SEMA5A: variants seen among roughly 807,000 people sequenced by gnomAD.
SEMA5A encodes the protein semaphorin-5A.
In SEMA5A, 55 loss-of-function variants were observed where a neutral mutation model predicts 135.5. The observed-to-expected ratio is 0.41, with a 90% CI of 0.33 to 0.51. The LOEUF (loss-of-function observed/expected upper bound fraction) is 0.51, where lower values mean the gene tolerates loss of function less well. Ranked by LOEUF, SEMA5A falls within the 20% of genes least tolerant of loss-of-function variation. SEMA5A has a pLI of 0.37. For missense variants in SEMA5A, 1,290 were observed against 1,419.9 expected (o/e 0.91, Z 1.47); for synonymous variants, 580 against 546.5 (o/e 1.06, Z -0.85).
chr5:9,385,270 T>A (rs1317780357), intron 2 of SEMA5A, among the ~76,000 whole-genome samples: 1 of 152,148 alleles, frequency 6.6e-6, no homozygotes, highest in Non-Finnish European at 1.5e-5. Flanking sequence ...TGAAACTGAA[T>A]AGGCTTTGGG....
chr5:9,061,223 A>G (rs182332919), intron 18 of SEMA5A, among the ~76,000 whole-genome samples: 50 of 152,222 alleles, frequency 3.3e-4, no homozygotes, highest in African/African-American at 1.2e-3. Flanking sequence ...GGATCATAAC[A>G]CTGCATCTGT....
At chr5:9,504,549 A>G (rs1735771661) in intron 1 of SEMA5A, among the ~76,000 whole-genome samples, 1 of 152,216 alleles carries the variant, frequency 6.6e-6, no homozygotes, top group Non-Finnish European at 1.5e-5. Flanking sequence ...GCAGGTAAGC[A>G]CAAGTGCTGT....
At chr5:9,279,596 T>C (rs1004254165) in intron 5 of SEMA5A, among the ~76,000 whole-genome samples, 7 of 152,110 alleles carry the variant, frequency 4.6e-5, no homozygotes, top group African/African-American at 1.7e-4. Flanking sequence ...TCATGTTGAA[T>C]TATAATCCCT....
chr5:9,328,143 GCTTCCCACCAGCCAA>G (rs1317053715), intron 4 of SEMA5A, among the ~76,000 whole-genome samples: 22 of 152,082 alleles, frequency 1.4e-4, no homozygotes, highest in Non-Finnish European at 1.5e-5. Flanking sequence ...ATGGTTTGAT[GCTTCCCACCAGCCAA>G]CCCACTCTGT....
intron 2 of SEMA5A, among the ~76,000 whole-genome samples, chr5:9,399,375 C>T (rs1384670776): frequency 1.3e-5 from 2 of 152,122 alleles, no homozygotes; most frequent in Admixed American, 6.5e-5. Context: ...ATAGGCCACA[C>T]ATTTTACGAT....
At chr5:9,163,373 T>C (rs181278842) in intron 11 of SEMA5A, among the ~76,000 whole-genome samples, 1 of 152,348 alleles carries the variant, frequency 6.6e-6, no homozygotes. Flanking sequence ...GACTCTCATG[T>C]GCATAATTCA....
At chr5:9,201,037 C>A (rs915569117) in intron 9 of SEMA5A, among the ~76,000 whole-genome samples, 1 of 152,126 alleles carries the variant, frequency 6.6e-6, no homozygotes, top group Non-Finnish European at 1.5e-5. Flanking sequence ...GATTTTGATC[C>A]TTTACTTTGC....
At chr5:9,477,138 C>T (rs1759699707) in intron 1 of SEMA5A, among the ~76,000 whole-genome samples, 1 of 152,054 alleles carries the variant, frequency 6.6e-6, no homozygotes, top group Non-Finnish European at 1.5e-5. Flanking sequence ...TCTCTCACCA[C>T]CATGTAAGAC....
chr5:9,102,773 C>T (rs1739700261), intron 16 of SEMA5A, among the ~76,000 whole-genome samples: 1 of 152,110 alleles, frequency 6.6e-6, no homozygotes, highest in Non-Finnish European at 1.5e-5. Flanking sequence ...AAATCCTGAA[C>T]ATGGATTCAG....
chr5:9,075,495 G>A (rs1738000763), intron 16 of SEMA5A, among the ~76,000 whole-genome samples: 1 of 149,202 alleles, frequency 6.7e-6, no homozygotes, highest in South Asian at 2.1e-4. Flanking sequence ...TAAAAGAAAT[G>A]AACTCTTAAT....
At chr5:9,400,381 ATTC>A (rs938134613) in intron 2 of SEMA5A, among the ~76,000 whole-genome samples, 1 of 152,166 alleles carries the variant, frequency 6.6e-6, no homozygotes, top group African/African-American at 2.4e-5. Context: ...TTAAAAATAA[ATTC>A]TTTTTATCAT....
At chr5:9,055,314 T>TAG (rs1296092101) in intron 18 of SEMA5A, among the ~76,000 whole-genome samples, 18 of 152,220 alleles carry the variant, frequency 1.2e-4, no homozygotes, top group Non-Finnish European at 8.8e-5. Context: ...AACAAGGTAT[T>TAG]AGATCCTAAT....
intron 1 of SEMA5A, among the ~76,000 whole-genome samples, chr5:9,473,697 A>G (rs1169943785): frequency 6.6e-6 from 1 of 152,042 alleles, no homozygotes; most frequent in African/African-American, 2.4e-5. Context: ...GGCTTAGGGA[A>G]CGTGGTGTGC....
chr5:9,477,032 G>T (rs532446767), intron 1 of SEMA5A, among the ~76,000 whole-genome samples: 2 of 152,262 alleles, frequency 1.3e-5, no homozygotes, highest in South Asian at 2.1e-4. Flanking sequence ...CCTGGTAGGA[G>T]ATGATTGGAT....
intron 2 of SEMA5A, among the ~76,000 whole-genome samples, chr5:9,425,409 G>T (rs555185012): frequency 6.6e-6 from 1 of 152,176 alleles, no homozygotes; most frequent in Admixed American, 6.5e-5. Context: ...GGGGAGGAGG[G>T]AGAATGCAAG....
chr5:9,430,884 A>C (rs1358676286), intron 2 of SEMA5A, among the ~76,000 whole-genome samples: 1 of 152,026 alleles, frequency 6.6e-6, no homozygotes, highest in East Asian at 1.9e-4. Context: ...AATGTATTAT[A>C]ACTAAAGAGG....
chr5:9,140,296 G>A (rs867756354), intron 12 of SEMA5A, among the ~76,000 whole-genome samples: 8 of 152,112 alleles, frequency 5.3e-5, no homozygotes, highest in African/African-American at 1.7e-4. Flanking sequence ...CTCAAGACAC[G>A]CAATTGATTT....
At chr5:9,468,879 C>T (rs182741616) in intron 1 of SEMA5A, among the ~76,000 whole-genome samples, 1 of 152,152 alleles carries the variant, frequency 6.6e-6, no homozygotes, top group African/African-American at 2.4e-5. Flanking sequence ...TCATACCTAC[C>T]GTCACATTGT....
At position 9,035,595 on chromosome 5, in the gene SEMA5A, T is replaced by C. The variant is rs1489844992; in HGVS notation, c.*7302A>G. ...TCTGGGATACAGACCTAGACAGCTC[T>C]CAGGAAGCATTTACAACCAGTGAAT... On this transcript the variant is annotated 3_prime_UTR_variant, in exon 23 of 23. Transcript: ENST00000382496. The C allele has an allele frequency of 6.6e-6, 1 of 152,200 alleles. No homozygotes were observed. Among genetic ancestry groups the C allele is most frequent in the Non-Finnish European group, 1.5e-5 (1 of 68,036 alleles). 9.4% of individuals were successfully genotyped at this position (152,200 alleles called of 1,614,324 possible).
Sources: allele counts gnomAD v4.1 joint callset (sites outside exome capture counted in the v4.1 genomes callset), GRCh38; gene constraint gnomAD v4.1.1; transcripts MANE v1.5; gene names NCBI Gene and HGNC (gene_info 2026-07-23, HGNC 2026-07-21).